Variants in KYAT3 observed in about 807,000 individuals in gnomAD.
The protein encoded by KYAT3 is kynurenine aminotransferase 3, also known as kynurenine--oxoglutarate transaminase 3.
Under a neutral mutation model 59.0 loss-of-function variants are expected in KYAT3, and 50 were observed. The observed-to-expected ratio is 0.85, with a 90% CI of 0.68 to 1.07. KYAT3 has a LOEUF of 1.07. KYAT3 is among the 50% of genes least tolerant of loss of function. KYAT3 has a pLI of 0.00. For missense variants in KYAT3, 497 were observed against 533.3 expected (o/e 0.93, Z 0.67); for synonymous variants, 148 against 177.0 (o/e 0.84, Z 1.30).
At chr1:88,991,780 G>A (rs1347825466) in intron 1 of KYAT3, among the ~76,000 whole-genome samples, 2 of 152,242 alleles carry the variant, frequency 1.3e-5, no homozygotes, top group African/African-American at 4.8e-5. Flanking sequence ...TTTGGCTCCC[G>A]AAGTCAGACT....
the KYAT3 span, among the ~76,000 whole-genome samples, chr1:88,921,214 C>T: frequency 1.3e-5 from 2 of 152,198 alleles, no homozygotes; most frequent in Admixed American, 1.3e-4. Flanking sequence ...ATGGCTGCTT[C>T]ACCTCCAGGC....
At position 88,964,976 on chromosome 1, in the gene KYAT3, G is replaced by T. The variant is rs767051475; in HGVS notation, c.306C>A (p.Gly102=). ...ACAGAGCTTTCACAAGTGATGGATG[G>T]CCCTGTTGGATTAAAAATAAGAACA... ...DSLNQYTRGF[G]HPSLVKALSY... is the part of the protein sequence containing the mutation. Residue 102 remains glycine, a splice_region_variant and synonymous_variant, in exon 5 of 14, where the codon GGC becomes GGA. Transcript: ENST00000260508. The T allele has an allele frequency of 6.3e-7, 1 of 1,593,638 alleles. No homozygotes were observed. The highest frequency in any genetic ancestry group is 1.2e-5 in the South Asian group (1 of 85,716).
chr1:88,982,680 T>C, intron 2 of KYAT3: 1 of 1,613,124 alleles, frequency 6.2e-7, no homozygotes, highest in Non-Finnish European at 8.5e-7. Flanking sequence ...CCTCCCCCTC[T>C]ATCAGATCGG....
At chr1:88,942,476 T>C (rs1205601020) in intron 13 of KYAT3, among the ~76,000 whole-genome samples, 7 of 152,206 alleles carry the variant, frequency 4.6e-5, no homozygotes, top group Non-Finnish European at 7.4e-5. Flanking sequence ...AATTTTTCAT[T>C]GTAAGCTAGA....
chr1:88,985,341 C>T (rs1010098067), intron 2 of KYAT3, among the ~76,000 whole-genome samples: 3 of 152,188 alleles, frequency 2.0e-5, no homozygotes, highest in Non-Finnish European at 2.9e-5. Context: ...CAGAGTTGGA[C>T]AGTCAGGCTG....
At chr1:88,951,064 C>A (rs1675649553) in intron 10 of KYAT3, among the ~76,000 whole-genome samples, 1 of 152,166 alleles carries the variant, frequency 6.6e-6, no homozygotes, top group African/African-American at 2.4e-5. Context: ...TCTAGGTAAC[C>A]ATGTGGCTGC....
At chr1:88,992,515 C>G (rs1307514396) in intron 1 of KYAT3, 70 bp downstream of exon 1, 6 of 152,750 alleles carry the variant, frequency 3.9e-5, no homozygotes, top group Admixed American at 3.3e-4. Context: ...TCCCTCGCCC[C>G]GTACGCCGGG....
chr1:88,923,755 G>A, the KYAT3 span: 1 of 290,302 alleles, frequency 3.4e-6, no homozygotes. Context: ...CTGTCTGCCA[G>A]TGCCTGTCTC....
chr1:88,953,280 C>G, intron 9 of KYAT3, 128 bp from the exon 10 acceptor site: 1 of 646,108 alleles, frequency 1.5e-6, no homozygotes, highest in South Asian at 1.8e-5. Context: ...TATGGTGACT[C>G]ACACCTGTAA....
the KYAT3 span, among the ~76,000 whole-genome samples, chr1:88,924,849 G>C: frequency 6.6e-6 from 1 of 152,150 alleles, no homozygotes; most frequent in East Asian, 1.9e-4. Context: ...TGGGTTCCAT[G>C]GTTCTCTTCC....
chr1:88,988,168 G>T, intron 2 of KYAT3, 84 bp downstream of exon 2: 1 of 832,192 alleles, frequency 1.2e-6, no homozygotes, highest in Middle Eastern at 2.7e-4. Flanking sequence ...TAAAGTATTT[G>T]TAAAAAAGCA....
At chr1:88,938,922 G>A (rs147587112) in intron 13 of KYAT3, among the ~76,000 whole-genome samples, 4 of 152,254 alleles carry the variant, frequency 2.6e-5, no homozygotes, top group East Asian at 3.9e-4. Flanking sequence ...TAAGTCATTC[G>A]AAATGTGCAA....
chr1:88,925,363 A>C, the KYAT3 span, among the ~76,000 whole-genome samples: 1 of 152,172 alleles, frequency 6.6e-6, no homozygotes, highest in Non-Finnish European at 1.5e-5. Flanking sequence ...GTGTAGCCCC[A>C]AAATTCTCCT....
At chr1:88,980,382 C>G (rs1186437010) in intron 2 of KYAT3, 1 of 152,410 alleles carries the variant, frequency 6.6e-6, no homozygotes. Context: ...AAGCACCCGC[C>G]CAAGCAAGCC....
At chr1:88,989,601 T>C (rs780412413) in intron 1 of KYAT3, among the ~76,000 whole-genome samples, 3 of 152,156 alleles carry the variant, frequency 2.0e-5, no homozygotes, top group Non-Finnish European at 4.4e-5. Flanking sequence ...CCTGGGTCAG[T>C]TGCCAGGAAT....
chr1:88,987,219 T>C (rs966376479), intron 2 of KYAT3, among the ~76,000 whole-genome samples: 4 of 152,176 alleles, frequency 2.6e-5, no homozygotes, highest in African/African-American at 9.7e-5. Context: ...CAAATGAGGA[T>C]TGTGCACACA....
intron 11 of KYAT3, among the ~76,000 whole-genome samples, chr1:88,944,716 A>T (rs553876173): frequency 2.6e-5 from 4 of 152,246 alleles, no homozygotes; most frequent in African/African-American, 9.6e-5. Flanking sequence ...ACAGCAGTGT[A>T]TTGAAGGTAC....
At chr1:88,968,594 G>T in intron 4 of KYAT3, 76 bp downstream of exon 4, 1 of 1,154,738 alleles carries the variant, frequency 8.7e-7, no homozygotes, top group Non-Finnish European at 1.2e-6. Context: ...ATGACAGAAG[G>T]GCACATGCAC....
At chr1:88,988,125 C>T (rs1421466807) in intron 2 of KYAT3, 127 bp downstream of exon 2, 1 of 616,840 alleles carries the variant, frequency 1.6e-6, no homozygotes, top group East Asian at 2.9e-5. Context: ...CAAGAGACAC[C>T]TTCAGCATAT....
Sources: gnomAD v4.1 joint callset for allele counts (sites outside exome capture counted in the v4.1 genomes callset) on GRCh38, gnomAD v4.1.1 for gene constraint, MANE v1.5 for transcripts, NCBI Gene and HGNC (gene_info 2026-07-23, HGNC 2026-07-21) for gene names.